The following EXOC7 variants were observed in gnomAD, a reference collection of about 807,000 sequenced individuals.
EXOC7 encodes exocyst complex component Exo70.
In EXOC7, 51 loss-of-function variants were observed where a neutral mutation model predicts 87.6. That is an observed-to-expected ratio of 0.58 (90% CI 0.46 to 0.73). The LOEUF is 0.73. Ranked by LOEUF, EXOC7 falls within the 30% of genes least tolerant of loss-of-function variation. The pLI is 0.00. For synonymous variants in EXOC7, 327 were observed against 357.1 expected (o/e 0.92, Z 0.95); for missense variants, 744 against 888.4 (o/e 0.84, Z 2.07).
At position 76,094,406 on chromosome 17, in the gene EXOC7, G is replaced by C; in HGVS notation, c.808+8C>G. 1.2e-6 allele frequency: 2 copies of C among 1,610,786 alleles called. No homozygotes were observed. Among genetic ancestry groups the C allele is most frequent in the Non-Finnish European group, 1.7e-6 (2 of 1,178,372 alleles). ...CTGTTGCAGAGATGGGCCAGGATGG[G>C]GGCTCACCTGGCCGCTTGACTGGCT... On this transcript the variant is annotated splice_region_variant and intron_variant, in intron 6 of 18. Transcript: ENST00000589210.
rs898262825 is a variant in EXOC7, at chr17:76,101,836, G to A, written c.154C>T (p.Arg52Cys). 2.0e-5 allele frequency: 32 copies of A among 1,613,528 alleles called. No individual in the cohort carries two copies. The highest frequency in any genetic ancestry group is 5.0e-5 in the Admixed American group (3 of 59,916). Reference sequence around the variant, plus strand: ...ATGGAGTTCTCCAGCTTCATAAGGCGGCTCTCAAAGGATGATAAGATAGAC... The same window carrying A: ...ATGGAGTTCTCCAGCTTCATAAGGCAGCTCTCAAAGGATGATAAGATAGAC... ...MVSILSSFES[R>C]LMKLENSIIP... Residue 52 changes from arginine (R) to cysteine (C), a missense_variant, in exon 3 of 19, where the codon CGC (arginine) becomes TGC (cysteine). By Grantham distance (180) the Arg-to-Cys change is radical (BLOSUM62 -3). Transcript: ENST00000589210.
rs766708575 is a variant in EXOC7, at chr17:76,083,693, C to T, written c.2010G>A (p.Glu670=). 4 of 1,613,822 alleles carry T rather than the reference C, an allele frequency of 2.5e-6. No homozygotes were observed. Among genetic ancestry groups the T allele is most frequent in the Non-Finnish European group, 2.5e-6 (3 of 1,180,020 alleles). Residue 670 remains glutamate, a synonymous_variant, in exon 19 of 19, where the codon GAG becomes GAA. Coordinates refer to ENST00000589210, the MANE Select transcript of EXOC7 (RefSeq NM_001013839.4). ...GGCGATCGATCATGTCGCCCACCTG[C>T]TCCACCCCGTACTTGATGTACTTCT... ...NPEKYIKYGV[E]QVGDMIDRLF...
chr17:76,083,872 G>T, intron 18 of EXOC7, 122 bp from the exon 19 acceptor site: 1 of 1,476,440 alleles, frequency 6.8e-7, no homozygotes, highest in Admixed American at 2.1e-5. Flanking sequence ...GTCTGGCCCC[G>T]CCCCAAAGCC....
At chr17:76,094,245 T>C (rs2243536) in intron 6 of EXOC7, 169 bp downstream of exon 6, 308,323 of 653,170 alleles carry the variant, frequency 0.47, 74,586 homozygotes, top group South Asian at 0.65. Context: ...CTTGGGGGGC[T>C]TCACTGGGTG....
rs540976272 is a variant in EXOC7, at chr17:76,082,705, C to T, written c.*943G>A. ...TAGGATGAAGTTTGCTTTCCCATGG[C>T]TGGGGGCGGGCCATGACAGGGCCTC... is the stretch of plus-strand genomic sequence containing the variant. On this transcript the variant is annotated 3_prime_UTR_variant, in exon 19 of 19. Transcript: ENST00000589210. The T allele has an allele frequency of 1.3e-6, 2 of 1,527,582 alleles. No individual in the cohort carries two copies. The highest frequency in any genetic ancestry group is 2.5e-5 in the South Asian group (2 of 78,650). 94.6% of individuals were successfully genotyped at this position (1,527,582 alleles called of 1,614,324 possible). A position where few individuals can be genotyped will look rare whatever the true frequency, so the allele number is the denominator to read the frequency against.
At chr17:76,091,581 C>T (rs2067482663) in intron 6 of EXOC7, 1 of 230,002 alleles carries the variant, frequency 4.3e-6, no homozygotes, top group Admixed American at 5.4e-5. Context: ...TCGGAGGAGC[C>T]CGTGACAAAG....
At chr17:76,090,657 A>T in intron 7 of EXOC7, 1 of 634,558 alleles carries the variant, frequency 1.6e-6, no homozygotes, top group Non-Finnish European at 2.7e-6. Context: ...GCCCAGGGAA[A>T]GCGGAGAAGG....
At chr17:76,091,087 G>C in intron 7 of EXOC7, 56 bp downstream of exon 7, 1 of 1,504,436 alleles carries the variant, frequency 6.6e-7, no homozygotes, top group East Asian at 2.3e-5. Context: ...GCCCTGCCAA[G>C]TGCGTGGACA....
chr17:76,085,145 A>AG (rs1264497441), intron 15 of EXOC7, 169 bp downstream of exon 15: 2 of 628,740 alleles, frequency 3.2e-6, no homozygotes, highest in East Asian at 2.8e-5. Context: ...GTGGTAGAGG[A>AG]GGGGGCTTCT....
In EXOC7 at chr17:76,082,968, C is replaced by T. The variant is rs2067047903; in HGVS notation, c.*680G>A. The stretch of plus-strand genomic sequence containing the variant: ...CCTTCTGCAACCACGACTGCCTGGC[C>T]CTGGGCCAAGAGGCACTGAGGCTGG... On this transcript the variant is annotated 3_prime_UTR_variant, in exon 19 of 19. Transcript: ENST00000589210. 4.2e-6 allele frequency: 1 copy of T among 237,728 alleles called. No individual in the cohort carries two copies. Among genetic ancestry groups the T allele is most frequent in the South Asian group, 9.9e-5 (1 of 10,052 alleles). The allele number at this position is 237,728 out of a possible 1,614,324, so 14.7% of individuals were successfully genotyped here.
intron 2 of EXOC7, among the ~76,000 whole-genome samples, chr17:76,102,417 GACACACACACACACACACAC>G (rs3073225): frequency 0.022 from 3,242 of 144,116 alleles, 80 homozygotes; most frequent in African/African-American, 0.06. Context: ...TACACACACA[GACACACACACACACACACAC>G]ACACACACAC....
At position 76,082,695 on chromosome 17, in the gene EXOC7, T is replaced by C. The variant is rs760697366; in HGVS notation, c.*953A>G. The C allele has an allele frequency of 8.4e-6, 13 of 1,546,394 alleles. No individual in the cohort carries two copies. Among genetic ancestry groups the C allele is most frequent in the Non-Finnish European group, 1.0e-5 (12 of 1,147,448 alleles). The stretch of plus-strand genomic sequence containing the variant: ...CTGCACACCTTAGGATGAAGTTTGC[T>C]TTCCCATGGCTGGGGGCGGGCCATG... On this transcript the variant is annotated 3_prime_UTR_variant, in exon 19 of 19. Coordinates refer to ENST00000589210, the MANE Select transcript of EXOC7 (RefSeq NM_001013839.4).
chr17:76,093,230 A>G (rs2665981), intron 6 of EXOC7: 74,097 of 152,354 alleles, frequency 0.49, 18,536 homozygotes, highest in South Asian at 0.67. Flanking sequence ...TGCTCCATCC[A>G]CTGTGCAGGC....
rs758838729 is a variant in EXOC7, at chr17:76,081,613, G to A, written c.*2035C>T. ...TGGTGCCTGCAGAGGCACTGCTGTT[G>A]GCTGACGTGTGCGGGGGGTTGCTGC... On this transcript the variant is annotated 3_prime_UTR_variant, in exon 19 of 19. Transcript: ENST00000589210. 66 of 1,613,972 alleles carry A rather than the reference G, an allele frequency of 4.1e-5. No individual in the cohort carries two copies. The Middle Eastern group carries it at 4.9e-4, about 12-fold the overall frequency.
chr17:76,096,576 C>CT (rs1241530892), intron 5 of EXOC7, among the ~76,000 whole-genome samples: 1 of 142,988 alleles, frequency 7.0e-6, no homozygotes, highest in African/African-American at 2.5e-5. Context: ...TTCTTCCTTT[C>CT]TTTTTTTTGA....
chr17:76,084,377 C>T (rs2067114025), intron 16 of EXOC7, 88 bp from the exon 17 acceptor site: 2 of 1,589,360 alleles, frequency 1.3e-6, no homozygotes, highest in African/African-American at 2.7e-5. Context: ...TTGGTCTGGG[C>T]CTGTCTCCTG....
chr17:76,089,383 G>A lies in EXOC7; in HGVS notation c.902-63C>T, dbSNP rs968282228. ...GCCAGCCACACTCCTGGCTGGGGGC[G>A]GCGTGGGTCCCCCAGCTCCTGGCCT... is the stretch of plus-strand genomic sequence containing the variant. On this transcript the variant is annotated intron_variant, in intron 7 of 18. Transcript: ENST00000589210. 119 of 1,591,828 alleles carry A rather than the reference G, an allele frequency of 7.5e-5. No homozygotes were observed. The African/African-American group carries it at 1.1e-3, about 15-fold the overall frequency.
chr17:76,081,692 C>T lies in EXOC7; in HGVS notation c.*1956G>A. 1 of 1,614,146 alleles carries T rather than the reference C, an allele frequency of 6.2e-7. No individual in the cohort carries two copies. Among genetic ancestry groups the T allele is most frequent in the African/African-American group, 1.3e-5 (1 of 75,050 alleles). ...CAAGGTGACATTGCTGCTGAGTTAC[C>T]TCGTCCTCCACTCCTCCCTGGTGCA... On this transcript the variant is annotated 3_prime_UTR_variant, in exon 19 of 19. Transcript: ENST00000589210.
chr17:76,084,707 A>G, intron 15 of EXOC7, 127 bp from the exon 16 acceptor site: 1 of 710,808 alleles, frequency 1.4e-6, no homozygotes, highest in Non-Finnish European at 2.4e-6. Flanking sequence ...GTCACAACTA[A>G]GCAAACAACA....
Sources: gnomAD v4.1 joint callset for allele counts (sites outside exome capture counted in the v4.1 genomes callset) on GRCh38, gnomAD v4.1.1 for gene constraint, MANE v1.5 for transcripts, NCBI Gene and HGNC (gene_info 2026-07-23, HGNC 2026-07-21) for gene names.